OR51B5: variants seen among roughly 807,000 people sequenced by gnomAD.
OR51B5 encodes olfactory receptor 51B5.
For missense variants in OR51B5, 456 were observed against 374.6 expected, an observed-to-expected ratio of 1.22 and a Z score of -1.79; for synonymous variants, 186 against 144.8, an observed-to-expected ratio of 1.28 and a Z score of -2.04.
At chr11:5,346,547 G>T (rs1848993812), upstream of OR51B5, among the ~76,000 whole-genome samples, 1 of 152,026 alleles carries the variant, frequency 6.6e-6, no homozygotes, top group Admixed American at 6.5e-5. Flanking sequence ...AGTAGAATAA[G>T]AGGTGCCTTC....
intron 1 of OR51B5, among the ~76,000 whole-genome samples, chr11:5,467,379 T>C (rs1226554368): frequency 1.3e-5 from 2 of 152,248 alleles, no homozygotes; most frequent in African/African-American, 2.4e-5. Context: ...ATTTGATCCC[T>C]ATGGCTTTAT....
At chr11:5,352,196 G>A (rs267602947) in intron 1 of OR51B5, 169 of 1,614,168 alleles carry the variant, frequency 1.0e-4, no homozygotes, top group Admixed American at 5.0e-4. Flanking sequence ...GGTTCTGGAG[G>A]AGAAAGGGCC....
At chr11:5,419,914 T>C (rs1418410396) in intron 1 of OR51B5, among the ~76,000 whole-genome samples, 2 of 151,696 alleles carry the variant, frequency 1.3e-5, no homozygotes, top group Non-Finnish European at 2.9e-5. Flanking sequence ...ATGATTACAA[T>C]AGAATGTAAG....
rs549331043 is a variant in OR51B5 at position 5,426,439 on chromosome 11, A to G, written n.84+79130T>C. Among the ~76,000 whole-genome samples, 358 of 152,302 alleles carry G rather than the reference A, an allele frequency of 2.4e-3. 1 individual carries two copies. The highest frequency in any genetic ancestry group is 3.4e-3 in the Non-Finnish European group (228 of 68,006). ...GTGACCAGAAAAATCTAACTCTCTTATAGTTATTAAATATATGAAACAACC... is the reference window on the plus strand; with the variant it reads ...GTGACCAGAAAAATCTAACTCTCTTGTAGTTATTAAATATATGAAACAACC... On this transcript the variant is annotated intron_variant and non_coding_transcript_variant, in intron 1 of 4. Coordinates refer to the OR51B5 transcript ENST00000415970.
intron 1 of OR51B5, among the ~76,000 whole-genome samples, chr11:5,404,238 T>A (rs943281111): frequency 2.4e-4 from 37 of 151,918 alleles, no homozygotes; most frequent in Non-Finnish European, 1.0e-4. Flanking sequence ...CACCAATCAG[T>A]TCTCTGTGTC....
At chr11:5,488,679 A>G in intron 1 of OR51B5, 5 of 1,471,520 alleles carry the variant, frequency 3.4e-6, no homozygotes, top group Non-Finnish European at 4.7e-6. Flanking sequence ...AATACTATTC[A>G]GAAAGAGCCC....
At chr11:5,410,393 T>C (rs1157108745) in intron 1 of OR51B5, among the ~76,000 whole-genome samples, 1 of 152,142 alleles carries the variant, frequency 6.6e-6, no homozygotes, top group Non-Finnish European at 1.5e-5. Context: ...TAATTTATAG[T>C]AGACGATAAG....
At chr11:5,422,662 T>C (rs1850364976) in intron 1 of OR51B5, 1 of 1,614,008 alleles carries the variant, frequency 6.2e-7, no homozygotes, top group East Asian at 2.2e-5. Context: ...TTTGCTGCTG[T>C]GTTCTGGCGG....
intron 1 of OR51B5, chr11:5,489,424 G>A: frequency 6.2e-7 from 1 of 1,613,776 alleles, no homozygotes; most frequent in Non-Finnish European, 8.5e-7. Flanking sequence ...CCAGCACAAA[G>A]CTCTGAGTAC....
intron 1 of OR51B5, among the ~76,000 whole-genome samples, chr11:5,494,672 A>G (rs1424357195): frequency 2.0e-5 from 3 of 152,192 alleles, no homozygotes; most frequent in Non-Finnish European, 4.4e-5. Flanking sequence ...ACCTTCAACA[A>G]GTCATTTTCC....
At chr11:5,495,063 A>G (rs1269911714) in intron 1 of OR51B5, among the ~76,000 whole-genome samples, 4 of 152,132 alleles carry the variant, frequency 2.6e-5, no homozygotes, top group Non-Finnish European at 5.9e-5. Flanking sequence ...AGAAACACCA[A>G]TTTTGCCAAC....
chr11:5,489,035 T>C (rs1851537260), intron 1 of OR51B5: 1 of 1,613,956 alleles, frequency 6.2e-7, no homozygotes, highest in African/African-American at 1.3e-5. Context: ...GTCCATTCTA[T>C]CTATGCTCTG....
chr11:5,356,320 A>G (rs36173448), intron 1 of OR51B5, among the ~76,000 whole-genome samples: 56,554 of 150,452 alleles, frequency 0.38, 10,868 homozygotes, highest in Non-Finnish European at 0.4. Flanking sequence ...TGAGAACTAC[A>G]TGATGAATGC....
intron 1 of OR51B5, chr11:5,389,720 G>A (rs1424687554): frequency 6.2e-7 from 1 of 1,613,872 alleles, no homozygotes. Context: ...CTACTTTGGA[G>A]CGTGTCAAAT....
chr11:5,489,589 C>T, intron 1 of OR51B5: 1 of 1,614,010 alleles, frequency 6.2e-7, no homozygotes, highest in Non-Finnish European at 8.5e-7. Context: ...CAATCCTATT[C>T]TCTATGGAGC....
At chr11:5,467,774 A>G (rs1396905474) in intron 1 of OR51B5, among the ~76,000 whole-genome samples, 2 of 152,220 alleles carry the variant, frequency 1.3e-5, no homozygotes, top group African/African-American at 2.4e-5. Flanking sequence ...TATGCTGCCA[A>G]GCAACCACTG....
chr11:5,412,864 G>A (rs948607910), intron 1 of OR51B5, among the ~76,000 whole-genome samples: 1 of 151,892 alleles, frequency 6.6e-6, no homozygotes, highest in African/African-American at 2.4e-5. Context: ...CTGGGGGCAG[G>A]GCACAGACAA....
intron 1 of OR51B5, among the ~76,000 whole-genome samples, chr11:5,467,259 G>T (rs1851151127): frequency 6.6e-6 from 1 of 152,136 alleles, no homozygotes; most frequent in Non-Finnish European, 1.5e-5. Flanking sequence ...TCATCTGTAA[G>T]TTTTAATTTT....
At chr11:5,406,834 T>C (rs1850064510) in intron 1 of OR51B5, among the ~76,000 whole-genome samples, 1 of 152,090 alleles carries the variant, frequency 6.6e-6, no homozygotes, top group Non-Finnish European at 1.5e-5. Context: ...AATGTATCAA[T>C]TTAAAAGTAA....
Sources: allele counts gnomAD v4.1 joint callset (sites outside exome capture counted in the v4.1 genomes callset), GRCh38; gene constraint gnomAD v4.1.1; transcripts MANE v1.5; gene names NCBI Gene and HGNC (gene_info 2026-07-23, HGNC 2026-07-21).